BCORL1: variants seen among roughly 807,000 people sequenced by gnomAD.
BCORL1 encodes BCL-6 corepressor-like protein 1.
A neutral mutation model predicts 87.6 loss-of-function variants in BCORL1; 7 were observed. The observed-to-expected ratio is 0.08, with a 90% CI of 0.05 to 0.15. BCORL1 has a LOEUF of 0.15. BCORL1 is among the 10% of genes least tolerant of loss of function. The pLI is 1.00. For synonymous variants in BCORL1, 591 were observed against 634.4 expected, an observed-to-expected ratio of 0.93 and a Z score of 1.03; for missense variants, 1,215 against 1,499.7, an observed-to-expected ratio of 0.81 and a Z score of 3.13.
At chrX:130,042,808 C>T (rs1162853699) in intron 11 of BCORL1, among the ~76,000 whole-genome samples, 1 of 109,250 alleles carries the variant, frequency 9.2e-6, no homozygotes, top group African/African-American at 3.3e-5. Flanking sequence ...CCCCTCTCTA[C>T]TAAAAATACA....
intron 1 of BCORL1, among the ~76,000 whole-genome samples, chrX:130,004,101 T>C (rs754915550): frequency 1.8e-5 from 2 of 111,218 alleles, no homozygotes; most frequent in Non-Finnish European, 3.8e-5. Flanking sequence ...TAAAGGTTTT[T>C]CTTGGTGCCT....
chrX:130,052,238 C>T (rs1407623433), intron 13 of BCORL1, among the ~76,000 whole-genome samples: 7 of 112,637 alleles, frequency 6.2e-5, no homozygotes, highest in Non-Finnish European at 1.3e-4. Context: ...TCTAGATTCT[C>T]TCTCGGAAGG....
intron 6 of BCORL1, 73 bp from the exon 7 acceptor site, chrX:130,024,917 G>T: frequency 1.7e-6 from 2 of 1,154,525 alleles, no homozygotes; most frequent in South Asian, 4.1e-5. Context: ...TCCTAGTCCA[G>T]GGCATTCACT....
intron 8 of BCORL1, among the ~76,000 whole-genome samples, chrX:130,029,987 G>A (rs1002850651): frequency 1.8e-5 from 2 of 111,244 alleles, no homozygotes; most frequent in Non-Finnish European, 3.8e-5. Context: ...TGGAATCCCC[G>A]AATGGCACTG....
chrX:129,981,430 C>T (rs1926090693), upstream of BCORL1: 3 of 110,954 alleles, frequency 2.7e-5, no homozygotes, highest in Admixed American at 1.9e-4. Flanking sequence ...AAGGTAGCGT[C>T]GCTTCGAGTC....
At chrX:129,990,358 A>G (rs767684554) in intron 1 of BCORL1, among the ~76,000 whole-genome samples, 14 of 110,104 alleles carry the variant, frequency 1.3e-4, no homozygotes, top group African/African-American at 4.0e-4. Context: ...CAGCCTCCTG[A>G]GTAGCTGGGA....
rs189855499 is a variant in BCORL1 at position 130,006,079 on chromosome X, C to T, written c.86+762C>T. On this transcript the variant is annotated intron_variant, in intron 2 of 13. Transcript: ENST00000540052. ...TGGCAGTGGGCATTCTGGTGGTCAG[C>T]GCTTTCTCACCTCATGAGGCTAATT... 3.6e-4 allele frequency among the ~76,000 whole-genome samples: 40 copies of T among 111,842 alleles called. No homozygotes were observed. In the Middle Eastern group the frequency reaches 0.028, roughly 78 times the overall value.
intron 11 of BCORL1, among the ~76,000 whole-genome samples, chrX:130,043,760 ATATATATATATATATATATATATATTTTT>A (rs1931506914): frequency 3.0e-4 from 4 of 13,511 alleles, no homozygotes; most frequent in African/African-American, 1.8e-3. Flanking sequence ...ATATATATAT[ATATATATATATATATATATATATATTTTT>A]TTTTTTTTTT....
chrX:130,042,982 A>C (rs1224632706), intron 11 of BCORL1, among the ~76,000 whole-genome samples: 4 of 1,757 alleles, frequency 2.3e-3, no homozygotes, highest in African/African-American at 8.5e-3. Context: ...CAAAAAATTA[A>C]TTAATTAAAA....
intron 12 of BCORL1, 106 bp downstream of exon 12, chrX:130,050,900 C>A: frequency 1.5e-6 from 1 of 664,208 alleles, no homozygotes; most frequent in Non-Finnish European, 2.3e-6. Flanking sequence ...CCTTTCAGAC[C>A]AAACCTGAAC....
chrX:130,044,962 A>T (rs747470164), intron 11 of BCORL1, among the ~76,000 whole-genome samples: 14 of 112,509 alleles, frequency 1.2e-4, no homozygotes, highest in Non-Finnish European at 2.6e-4. Context: ...TTCTCCTGAG[A>T]TCATGAAGGA....
In BCORL1 at chrX:130,025,213, G is replaced by A; in HGVS notation, c.3912G>A (p.Arg1304=). 1 of 1,211,442 alleles carries A rather than the reference G, an allele frequency of 8.3e-7. No homozygotes were observed. The highest frequency in any genetic ancestry group is 1.1e-6 in the Non-Finnish European group (1 of 895,246). The change falls in exon 7 of 14, where the codon AGG becomes AGA. Residue 1304 remains arginine (R), a synonymous_variant. Transcript: ENST00000540052. ...HLWRAREMPW[R]TEAARQMWDT... ...GGCGAGCCCGAGAAATGCCCTGGAG[G>A]ACAGAGGCTGCCCGGCAAATGTGGG...
rs754627445 is a variant in BCORL1 at position 129,984,542 on chromosome X, G to T, written c.-45+1780G>T. On this transcript the variant is annotated intron_variant, in intron 1 of 13. Coordinates refer to ENST00000540052, the MANE Select transcript of BCORL1 (RefSeq NM_001379451.1). ...CAGGGGCGCCAAGAGGCCGGGGAAGGGATAGGGAGGTGAACTGGTCGGTGG... is the reference window on the plus strand; with the variant it reads ...CAGGGGCGCCAAGAGGCCGGGGAAGTGATAGGGAGGTGAACTGGTCGGTGG... Among the ~76,000 whole-genome samples the T allele has an allele frequency of 3.8e-3, 425 of 112,061 alleles. 1 individual carries two copies. The highest frequency in any genetic ancestry group is 0.013 in the African/African-American group (402 of 30,899).
rs74495268 is a variant in BCORL1 at position 130,042,802 on chromosome X, T to G, written c.4840+3520T>G. Among the ~76,000 whole-genome samples, 819 of 109,460 alleles carry G rather than the reference T, an allele frequency of 7.5e-3. 5 individuals carry two copies. Among genetic ancestry groups the G allele is most frequent in the African/African-American group, 0.025 (761 of 30,093 alleles). ...GCCTGACCAACATGGTGAAACCCCC[T>G]CTCTACTAAAAATACAAAAGTTAGC... On this transcript the variant is annotated intron_variant, in intron 11 of 13. Coordinates refer to ENST00000540052, the MANE Select transcript of BCORL1 (RefSeq NM_001379451.1).
At chrX:130,023,010 C>T (rs750701808) in intron 6 of BCORL1, 33 bp downstream of exon 6, 1 of 1,112,130 alleles carries the variant, frequency 9.0e-7, no homozygotes, top group Admixed American at 2.2e-5. Context: ...CCCCTCTCAG[C>T]ATCTTCTATG....
intron 9 of BCORL1, among the ~76,000 whole-genome samples, chrX:130,036,665 C>T (rs1409664417): frequency 1.8e-5 from 2 of 112,508 alleles, no homozygotes; most frequent in African/African-American, 6.5e-5. Flanking sequence ...AAACAATTGT[C>T]TTCCTTATTC....
intron 11 of BCORL1, among the ~76,000 whole-genome samples, chrX:130,043,747 TA>T (rs1569388245): frequency 0.079 from 847 of 10,754 alleles, 137 homozygotes; most frequent in African/African-American, 0.25. Context: ...GCTAATTTGT[TA>T]TATATATATA....
At chrX:129,981,085 C>T (rs1351034147), upstream of BCORL1, 1 of 111,818 alleles carries the variant, frequency 8.9e-6, no homozygotes, top group Non-Finnish European at 1.9e-5. Context: ...CTCTGGCCGC[C>T]TCACGCGCAC....
intron 12 of BCORL1, 93 bp downstream of exon 12, chrX:130,050,887 G>C (rs1275488006): frequency 9.7e-6 from 7 of 721,646 alleles, no homozygotes; most frequent in Non-Finnish European, 1.3e-5. Context: ...GTGGCTTACA[G>C]ACCCTTTCAG....
Sources: gnomAD v4.1 joint callset for allele counts (sites outside exome capture counted in the v4.1 genomes callset) on GRCh38, gnomAD v4.1.1 for gene constraint, MANE v1.5 for transcripts, NCBI Gene and HGNC (gene_info 2026-07-23, HGNC 2026-07-21) for gene names.